The following CASK variants were observed in gnomAD, a reference collection of about 807,000 sequenced individuals.
CASK encodes calcium/calmodulin dependent serine protein kinase, also known as peripheral plasma membrane protein CASK.
CASK carries 4 observed loss-of-function variants against 82.9 expected under a neutral mutation model. The ratio of observed to expected loss-of-function variants is 0.05; its 90% CI spans 0.02 to 0.11. CASK has a LOEUF of 0.11. Ranked by LOEUF, CASK falls within the 10% of genes least tolerant of loss-of-function variation. The pLI, the probability that CASK is intolerant of heterozygous loss-of-function variation, is 1.00. For synonymous variants in CASK, 259 were observed against 253.5 expected, an observed-to-expected ratio of 1.02 and a Z score of -0.20; for missense variants, 358 against 720.9, an observed-to-expected ratio of 0.50 and a Z score of 5.76.
rs188049657 is a variant in CASK at position 41,825,084 on chromosome X, G to A, written c.172+28031C>T. ...AAAATAACTGCAAGAGTATTTTTGGGTTTTTTGTAACATAAAGGATAAATG... is the reference window on the plus strand; with the variant it reads ...AAAATAACTGCAAGAGTATTTTTGGATTTTTTGTAACATAAAGGATAAATG... On this transcript the variant is annotated intron_variant, in intron 2 of 26. Transcript: ENST00000378163. Among the ~76,000 whole-genome samples the A allele has an allele frequency of 6.3e-5, 7 of 111,658 alleles. No homozygotes were observed. The South Asian group carries it at 1.1e-3, about 18-fold the overall frequency.
chrX:41,644,409 T>C (rs1360248193), intron 8 of CASK, among the ~76,000 whole-genome samples: 1 of 112,452 alleles, frequency 8.9e-6, no homozygotes, highest in Non-Finnish European at 1.9e-5. Flanking sequence ...TATCACTTCT[T>C]TAATCAATAC....
intron 3 of CASK, among the ~76,000 whole-genome samples, chrX:41,764,449 A>G (rs957719402): frequency 2.0e-4 from 22 of 111,348 alleles, no homozygotes; most frequent in African/African-American, 4.2e-4. Flanking sequence ...CCTAATCCAC[A>G]TATCTAACTT....
rs185631897 is a variant in CASK, at chrX:41,824,722, C to T, written c.172+28393G>A. 1.5e-4 allele frequency among the ~76,000 whole-genome samples: 17 copies of T among 111,596 alleles called. No homozygotes were observed. In the East Asian group the frequency reaches 4.8e-3, roughly 32 times the overall value. ...CCCTGGACTCCAGAGGGCAGATTTCCAATGAGTCCCACTAGCATGGTGTCT... is the reference window on the plus strand; with the variant it reads ...CCCTGGACTCCAGAGGGCAGATTTCTAATGAGTCCCACTAGCATGGTGTCT... On this transcript the variant is annotated intron_variant, in intron 2 of 26. Coordinates refer to ENST00000378163, the MANE Select transcript of CASK (RefSeq NM_001367721.1).
chrX:41,900,886 C>T (rs2072366728), intron 1 of CASK, among the ~76,000 whole-genome samples: 1 of 108,139 alleles, frequency 9.2e-6, no homozygotes, highest in African/African-American at 3.4e-5. Context: ...GCTGGGATTA[C>T]AGGCGCATGC....
intron 3 of CASK, among the ~76,000 whole-genome samples, chrX:41,775,246 AAAG>A (rs1445713974): frequency 3.6e-5 from 4 of 111,455 alleles, no homozygotes; most frequent in African/African-American, 1.3e-4. Context: ...ACACTTCTCA[AAAG>A]AAGACATTTA....
chrX:41,833,959 C>G lies in CASK; in HGVS notation c.172+19156G>C, dbSNP rs2070879711. On this transcript the variant is annotated intron_variant, in intron 2 of 26. Transcript: ENST00000378163. ...GAGATGGGGTTTTGCCATGTTGTGCCCAGGGTGGTCTTGAACTCTTAGGCT... is the reference window on the plus strand; with the variant it reads ...GAGATGGGGTTTTGCCATGTTGTGCGCAGGGTGGTCTTGAACTCTTAGGCT... Among the ~76,000 whole-genome samples, 3 of 110,704 alleles carry G rather than the reference C, an allele frequency of 2.7e-5. No homozygotes were observed. In the South Asian group the frequency reaches 1.2e-3, roughly 43 times the overall value.
At chrX:41,544,460 G>A (rs779891467) in intron 21 of CASK, among the ~76,000 whole-genome samples, 19 of 108,146 alleles carry the variant, frequency 1.8e-4, no homozygotes, top group South Asian at 4.1e-4. Flanking sequence ...CAGCTACTCC[G>A]GATGCTGAGA....
At chrX:41,702,299 C>T (rs1362754894) in intron 5 of CASK, among the ~76,000 whole-genome samples, 3 of 110,262 alleles carry the variant, frequency 2.7e-5, no homozygotes, top group African/African-American at 6.6e-5. Flanking sequence ...GCAGGAGAAT[C>T]GCTTGAACCC....
In CASK at chrX:41,730,945, T is replaced by C. The variant is rs781182482; in HGVS notation, c.429+8439A>G. Among the ~76,000 whole-genome samples, 3 of 111,961 alleles carry C rather than the reference T, an allele frequency of 2.7e-5. No homozygotes were observed. The East Asian group carries it at 8.4e-4, about 31-fold the overall frequency. On this transcript the variant is annotated intron_variant, in intron 5 of 26. Transcript: ENST00000378163. ...GTCTCGAATTCCTGAGCTCAAATAA[T>C]CTGCCCATCTTGGCCTCCCAAAGTG... is the stretch of plus-strand genomic sequence containing the variant.
chrX:41,709,223 C>T (rs938561450), intron 5 of CASK, among the ~76,000 whole-genome samples: 2 of 111,696 alleles, frequency 1.8e-5, no homozygotes, highest in Admixed American at 9.5e-5. Flanking sequence ...AGAGAATCAT[C>T]GAAGAATGTC....
At chrX:41,792,272 G>C (rs558336446) in intron 2 of CASK, among the ~76,000 whole-genome samples, 1 of 108,212 alleles carries the variant, frequency 9.2e-6, no homozygotes, top group African/African-American at 3.3e-5. Flanking sequence ...TCGTTTGCTC[G>C]AGAGCATTCA....
chrX:41,581,389 A>C (rs1392656309), intron 14 of CASK, among the ~76,000 whole-genome samples: 1 of 110,556 alleles, frequency 9.0e-6, no homozygotes, highest in East Asian at 2.8e-4. Flanking sequence ...CTTAAAAAAA[A>C]AAAACACAGA....
intron 12 of CASK, among the ~76,000 whole-genome samples, chrX:41,594,423 GA>G (rs1477589503): frequency 8.9e-6 from 1 of 112,431 alleles, no homozygotes; most frequent in African/African-American, 3.2e-5. Flanking sequence ...GTGCCAGCCA[GA>G]AGAGCTCACT....
At chrX:41,585,396 T>C (rs767200660) in intron 14 of CASK, 99 of 112,659 alleles carry the variant, frequency 8.8e-4, no homozygotes, top group African/African-American at 3.1e-3. Flanking sequence ...TCTTTCCAGG[T>C]AGTTACTTTT....
At chrX:41,920,705 T>C (rs2072767014) in intron 1 of CASK, among the ~76,000 whole-genome samples, 1 of 111,998 alleles carries the variant, frequency 8.9e-6, no homozygotes, top group African/African-American at 3.2e-5. Context: ...CAGCAGAATA[T>C]GGACTGTGTT....
At chrX:41,833,957 G>C (rs1374194293) in intron 2 of CASK, among the ~76,000 whole-genome samples, 1 of 110,810 alleles carries the variant, frequency 9.0e-6, no homozygotes, top group Non-Finnish European at 1.9e-5. Flanking sequence ...GCCATGTTGT[G>C]CCCAGGGTGG....
chrX:41,801,275 T>C (rs1440265036), intron 2 of CASK, among the ~76,000 whole-genome samples: 1 of 111,822 alleles, frequency 8.9e-6, no homozygotes, highest in Non-Finnish European at 1.9e-5. Flanking sequence ...GGGTCTCTGA[T>C]GGTCAACTTT....
intron 8 of CASK, among the ~76,000 whole-genome samples, chrX:41,639,468 T>A (rs1287900272): frequency 9.5e-6 from 1 of 105,180 alleles, no homozygotes; most frequent in East Asian, 2.9e-4. Flanking sequence ...GGAAGACTAG[T>A]TAGGAGGCTT....
Position 41,609,912 on chromosome X carries a change from G to A in CASK, c.1147C>T (p.Leu383=). The A allele has an allele frequency of 1.2e-5, 14 of 1,208,861 alleles. No homozygotes were observed. The highest frequency in any genetic ancestry group is 1.6e-5 in the Non-Finnish European group (14 of 892,940). Residue 383 remains leucine, a synonymous_variant, in exon 12 of 27, where the codon CTA becomes TTA. Transcript: ENST00000378163. ...TAAAAAGACAGACTTACATCTAGTA[G>A]TGTGTGAAGATGCTGATCCTGGAAA... ...SVFQDQHLHT[L]LDLYDKINTK... is the part of the protein sequence containing the mutation.
Sources: gnomAD v4.1 joint callset for allele counts (sites outside exome capture counted in the v4.1 genomes callset) on GRCh38, gnomAD v4.1.1 for gene constraint, MANE v1.5 for transcripts, NCBI Gene and HGNC (gene_info 2026-07-23, HGNC 2026-07-21) for gene names.